INTU: variants seen among roughly 807,000 people sequenced by gnomAD.
The protein encoded by INTU is inturned planar cell polarity protein.
A neutral mutation model predicts 100.5 loss-of-function variants in INTU; 68 were observed. The observed-to-expected ratio is 0.68, with a 90% CI of 0.56 to 0.83. The LOEUF is 0.83. Ranked by LOEUF, INTU falls within the 40% of genes least tolerant of loss-of-function variation. The probability of loss-of-function intolerance (pLI) is 0.00; values close to 1 mark genes in which losing one functional copy is unlikely to be tolerated. For synonymous variants in INTU, 357 were observed against 395.7 expected (o/e 0.90, Z 1.16); for missense variants, 1,071 against 1,114.7 (o/e 0.96, Z 0.56).
intron 4 of INTU, among the ~76,000 whole-genome samples, chr4:127,665,972 A>C (rs60803593): frequency 0.031 from 4,775 of 152,196 alleles, 308 homozygotes; most frequent in East Asian, 0.27. Context: ...ATTTGAAGAT[A>C]GTATCCCTTT....
At chr4:127,634,672 G>A (rs576491303) in intron 1 of INTU, among the ~76,000 whole-genome samples, 4 of 152,284 alleles carry the variant, frequency 2.6e-5, no homozygotes, top group East Asian at 1.9e-4. Flanking sequence ...CACGCCACAT[G>A]TTCTAGTGTC....
intron 14 of INTU, 110 bp from the exon 15 acceptor site, chr4:127,713,826 A>T (rs1025465309): frequency 1.3e-5 from 9 of 696,514 alleles, no homozygotes; most frequent in Non-Finnish European, 1.8e-5. Context: ...GAAGAATGTC[A>T]TTGCAGGCAC....
At chr4:127,703,941 C>G (rs1730761870) in intron 9 of INTU, among the ~76,000 whole-genome samples, 1 of 151,864 alleles carries the variant, frequency 6.6e-6, no homozygotes, top group African/African-American at 2.4e-5. Flanking sequence ...GTTTTTTGTC[C>G]TAAAAAGATG....
chr4:127,705,496 C>A (rs2148731149), intron 10 of INTU, 95 bp from the exon 11 acceptor site: 2 of 913,178 alleles, frequency 2.2e-6, no homozygotes, highest in East Asian at 2.4e-5. Context: ...ATATTCTAAA[C>A]CAACGGAAGA....
chr4:127,644,132 TAAA>T, intron 2 of INTU, 76 bp downstream of exon 2: 4 of 1,415,658 alleles, frequency 2.8e-6, no homozygotes, highest in Non-Finnish European at 3.9e-6. Flanking sequence ...GGAAATGTGA[TAAA>T]AACAATTATA....
chr4:127,675,078 T>C (rs1488162584), intron 6 of INTU, among the ~76,000 whole-genome samples: 12 of 152,200 alleles, frequency 7.9e-5, no homozygotes, highest in Admixed American at 7.9e-4. Flanking sequence ...TAACTACTAT[T>C]ATAATAGTGT....
chr4:127,699,945 A>G lies in INTU; in HGVS notation c.1450-65A>G. ...GTAATTAAGCACTTTTTATATGGCCATTACTAAAAAAGTAACTAATATGAG... is the reference window on the plus strand; with the variant it reads ...GTAATTAAGCACTTTTTATATGGCCGTTACTAAAAAAGTAACTAATATGAG... On this transcript the variant is annotated intron_variant, in intron 8 of 15. Transcript: ENST00000335251. The G allele has an allele frequency of 1.6e-6, 2 of 1,234,978 alleles. 1 individual carries two copies. Among genetic ancestry groups the G allele is most frequent in the South Asian group, 3.1e-5 (2 of 64,462 alleles). The allele number at this position is 1,234,978 out of a possible 1,614,324, so 76.5% of individuals were successfully genotyped here.
chr4:127,686,746 T>G (rs1344777678), intron 7 of INTU: 2 of 152,238 alleles, frequency 1.3e-5, no homozygotes, highest in Admixed American at 1.3e-4. Context: ...TTTGCTGTCT[T>G]TCTCCATTAG....
In INTU at chr4:127,656,572, A is replaced by G. The variant is rs1233185712; in HGVS notation, c.683-64A>G. The G allele has an allele frequency of 1.0e-5, 12 of 1,189,714 alleles. 1 individual carries two copies. The highest frequency in any genetic ancestry group is 1.5e-5 in the Non-Finnish European group (12 of 799,318). The allele number at this position is 1,189,714 out of a possible 1,614,324, so 73.7% of individuals were successfully genotyped here. On this transcript the variant is annotated intron_variant, in intron 2 of 15. Coordinates refer to ENST00000335251, the MANE Select transcript of INTU (RefSeq NM_015693.4). ...GTCAGAGTAGCTGTTTAATGTTCCA[A>G]TTCTAGACCTCTATGGTTTTTAGAT...
intron 6 of INTU, among the ~76,000 whole-genome samples, chr4:127,680,745 T>C (rs1454555149): frequency 4.0e-5 from 6 of 149,076 alleles, no homozygotes; most frequent in Non-Finnish European, 1.5e-5. Flanking sequence ...TTGGAAGTTC[T>C]GGCCAGGGCA....
At chr4:127,648,274 A>G (rs1727680045) in intron 2 of INTU, among the ~76,000 whole-genome samples, 1 of 152,202 alleles carries the variant, frequency 6.6e-6, no homozygotes, top group Admixed American at 6.5e-5. Context: ...GAAGCCAGCC[A>G]TCTCTGAGTC....
intron 6 of INTU, among the ~76,000 whole-genome samples, chr4:127,684,114 A>G (rs1578598430): frequency 6.6e-6 from 1 of 152,308 alleles, no homozygotes; most frequent in East Asian, 1.9e-4. Context: ...CAATCTGAGA[A>G]GGGCTTGGTG....
intron 2 of INTU, among the ~76,000 whole-genome samples, chr4:127,646,184 C>CAAAAA (rs71587329): frequency 7.1e-5 from 9 of 127,560 alleles, no homozygotes; most frequent in South Asian, 2.5e-4. Flanking sequence ...GACTCTGTCT[C>CAAAAA]AAAAAAAAAA....
chr4:127,707,657 G>A (rs544125209), intron 12 of INTU, among the ~76,000 whole-genome samples: 1 of 152,102 alleles, frequency 6.6e-6, no homozygotes, highest in Middle Eastern at 3.4e-3. Flanking sequence ...GTGTGTGTGT[G>A]TGTATGTCTC....
intron 6 of INTU, 52 bp downstream of exon 6, chr4:127,674,265 T>C: frequency 7.3e-7 from 1 of 1,365,926 alleles, no homozygotes; most frequent in Non-Finnish European, 1.0e-6. Flanking sequence ...ATGTTAACTT[T>C]TGTTTTGTTA....
intron 2 of INTU, among the ~76,000 whole-genome samples, chr4:127,655,808 G>T (rs558671896): frequency 6.6e-6 from 1 of 152,308 alleles, no homozygotes; most frequent in African/African-American, 2.4e-5. Flanking sequence ...AATGGGGGGC[G>T]CCCCTCCCCC....
chr4:127,638,279 A>G (rs1039772978), intron 1 of INTU, among the ~76,000 whole-genome samples: 5 of 152,210 alleles, frequency 3.3e-5, no homozygotes, highest in African/African-American at 1.2e-4. Flanking sequence ...CCACATAACT[A>G]TATGTGTTGA....
At chr4:127,644,940 A>G (rs888455454) in intron 2 of INTU, among the ~76,000 whole-genome samples, 1 of 152,244 alleles carries the variant, frequency 6.6e-6, no homozygotes, top group Non-Finnish European at 1.5e-5. Context: ...GCTAAGTGCC[A>G]GGAATACAAA....
intron 7 of INTU, chr4:127,686,727 T>G (rs985869373): frequency 7.2e-5 from 11 of 152,214 alleles, no homozygotes; most frequent in African/African-American, 2.4e-4. Flanking sequence ...GTTTTTTACT[T>G]TTTGTTCATT....
Sources: allele counts gnomAD v4.1 joint callset (sites outside exome capture counted in the v4.1 genomes callset), GRCh38; gene constraint gnomAD v4.1.1; transcripts MANE v1.5; gene names NCBI Gene and HGNC (gene_info 2026-07-23, HGNC 2026-07-21).